The following TTC28 variants were observed in gnomAD, a reference collection of about 807,000 sequenced individuals.
TTC28 encodes the protein tetratricopeptide repeat domain 28, also known as tetratricopeptide repeat protein 28.
A neutral mutation model predicts 198.0 loss-of-function variants in TTC28; 61 were observed. That is an observed-to-expected ratio of 0.31 (90% CI 0.25 to 0.38). The LOEUF is 0.38. TTC28 is among the 10% of genes least tolerant of loss of function. TTC28 has a pLI of 1.00. For synonymous variants in TTC28, 1,171 were observed against 1,297.8 expected (o/e 0.90, Z 2.10); for missense variants, 2,678 against 3,164.0 (o/e 0.85, Z 3.69).
At chr22:28,149,244 G>A (rs1943548733) in intron 6 of TTC28, among the ~76,000 whole-genome samples, 1 of 152,222 alleles carries the variant, frequency 6.6e-6, no homozygotes, top group South Asian at 2.1e-4. Context: ...GAAAGTTGGT[G>A]CACCATGGTG....
intron 2 of TTC28, among the ~76,000 whole-genome samples, chr22:28,435,706 T>C (rs1273503965): frequency 1.3e-5 from 2 of 152,228 alleles, no homozygotes; most frequent in African/African-American, 4.8e-5. Flanking sequence ...AGGTGCCAAC[T>C]CAGATTTCTT....
chr22:28,037,635 C>G (rs1308911714), intron 12 of TTC28, among the ~76,000 whole-genome samples: 1 of 152,162 alleles, frequency 6.6e-6, no homozygotes, highest in Non-Finnish European at 1.5e-5. Flanking sequence ...TCTCACCACT[C>G]CTATTCAACA....
At chr22:28,318,775 C>A (rs1463780179) in intron 2 of TTC28, among the ~76,000 whole-genome samples, 1 of 146,458 alleles carries the variant, frequency 6.8e-6, no homozygotes, top group Non-Finnish European at 1.5e-5. Context: ...GATCATATAA[C>A]ATGGGACGGA....
intron 6 of TTC28, among the ~76,000 whole-genome samples, chr22:28,129,953 C>CT (rs1943019318): frequency 1.3e-5 from 2 of 152,164 alleles, no homozygotes; most frequent in African/African-American, 4.8e-5. Context: ...ATGGGCCACA[C>CT]TTTGAGTACC....
Position 28,399,539 on chromosome 22 carries a change from C to A in TTC28, c.382-92896G>T, listed in dbSNP as rs181307100. 2.0e-4 allele frequency among the ~76,000 whole-genome samples: 30 copies of A among 152,026 alleles called. 1 individual carries two copies. In the East Asian group the frequency reaches 5.8e-3, roughly 29 times the overall value. On this transcript the variant is annotated intron_variant, in intron 2 of 22. Coordinates refer to ENST00000397906, the MANE Select transcript of TTC28 (RefSeq NM_001145418.2). Reference sequence around the variant, plus strand: ...TGGGCTGTTCTCAAACTCCTGGGCTCAAGTAGTACTTCACCTTGGCCCCCC... The same window carrying A: ...TGGGCTGTTCTCAAACTCCTGGGCTAAAGTAGTACTTCACCTTGGCCCCCC...
intron 5 of TTC28, among the ~76,000 whole-genome samples, chr22:28,256,347 G>A (rs938722917): frequency 4.6e-5 from 7 of 151,230 alleles, no homozygotes; most frequent in Admixed American, 1.3e-4. Context: ...CTTGAACCCA[G>A]GAGGCAGAGG....
chr22:28,484,304 G>T (rs1171035417), intron 2 of TTC28, among the ~76,000 whole-genome samples: 1 of 151,892 alleles, frequency 6.6e-6, no homozygotes, highest in Non-Finnish European at 1.5e-5. Context: ...TACGGATGGG[G>T]TCTCACTATG....
chr22:28,394,341 C>T (rs1010105021), intron 2 of TTC28, among the ~76,000 whole-genome samples: 8 of 152,178 alleles, frequency 5.3e-5, no homozygotes, highest in African/African-American at 1.9e-4. Flanking sequence ...TTGAATATAA[C>T]ACTTAAAAGT....
chr22:28,475,272 G>A (rs1193757022), intron 2 of TTC28, among the ~76,000 whole-genome samples: 5 of 151,978 alleles, frequency 3.3e-5, no homozygotes, highest in Non-Finnish European at 7.4e-5. Context: ...GGCTATCCCA[G>A]CAGCTAAGGT....
chr22:28,591,040 C>CATATAT lies in TTC28; in HGVS notation c.381+38506_381+38511dup, dbSNP rs377761638. 1.3e-3 allele frequency among the ~76,000 whole-genome samples: 39 copies of CATATAT among 30,740 alleles called. 1 individual carries two copies. Among genetic ancestry groups the CATATAT allele is most frequent in the African/African-American group, 3.4e-3 (21 of 6,150 alleles). The allele number at this position is 30,740 out of a possible 152,430, so 20.2% of individuals were successfully genotyped here. On this transcript the variant is annotated intron_variant, in intron 2 of 22. Coordinates refer to ENST00000397906, the MANE Select transcript of TTC28 (RefSeq NM_001145418.2). ...ACACACACACACACACACACACACA[C>CATATAT]ATATATATATATATATATATATATA... is the stretch of plus-strand genomic sequence containing the variant.
chr22:28,125,495 T>A (rs964443578), intron 6 of TTC28, among the ~76,000 whole-genome samples: 5 of 152,130 alleles, frequency 3.3e-5, no homozygotes, highest in Non-Finnish European at 5.9e-5. Flanking sequence ...AAACACAATA[T>A]GCAACACCCC....
chr22:28,332,466 T>C (rs1382018993), intron 2 of TTC28, among the ~76,000 whole-genome samples: 1 of 152,078 alleles, frequency 6.6e-6, no homozygotes, highest in Non-Finnish European at 1.5e-5. Flanking sequence ...TTTAATGTCC[T>C]ACAGCAACCA....
intron 5 of TTC28, among the ~76,000 whole-genome samples, chr22:28,274,964 G>GT: frequency 1.6e-5 from 2 of 127,754 alleles, no homozygotes; most frequent in East Asian, 5.2e-4. Context: ...GGGCAACAGA[G>GT]TGAGACTGTC....
chr22:28,296,133 G>T (rs2044889727), intron 5 of TTC28, 65 bp downstream of exon 5: 2 of 1,469,636 alleles, frequency 1.4e-6, no homozygotes, highest in Middle Eastern at 1.8e-4. Flanking sequence ...GTTTTTAACA[G>T]AAAATAGAGC....
intron 5 of TTC28, among the ~76,000 whole-genome samples, chr22:28,290,345 A>C (rs756802879): frequency 6.6e-6 from 1 of 152,186 alleles, no homozygotes; most frequent in Non-Finnish European, 1.5e-5. Context: ...CTTATAAAAA[A>C]CTTATATAAA....
At position 28,274,772 on chromosome 22, in the gene TTC28, G is replaced by T. The variant is rs564087714; in HGVS notation, c.933+21426C>A. ...AGGCGGGCGGATCACCTGAGGTCAGGAGTTTGAAACCAGCCTGGCCAACAT... is the reference window on the plus strand; with the variant it reads ...AGGCGGGCGGATCACCTGAGGTCAGTAGTTTGAAACCAGCCTGGCCAACAT... On this transcript the variant is annotated intron_variant, in intron 5 of 22. Transcript: ENST00000397906. Among the ~76,000 whole-genome samples the T allele has an allele frequency of 1.6e-4, 25 of 152,196 alleles. No homozygotes were observed. The South Asian group carries it at 5.2e-3, about 32-fold the overall frequency.
intron 5 of TTC28, among the ~76,000 whole-genome samples, chr22:28,203,709 C>T (rs368582798): frequency 2.0e-5 from 3 of 152,050 alleles, no homozygotes; most frequent in African/African-American, 7.3e-5. Flanking sequence ...CCACTCCCAC[C>T]CACCTGCCTC....
chr22:28,282,447 C>T lies in TTC28; in HGVS notation c.933+13751G>A, dbSNP rs115462643. ...TAAGATGATAAAAAAATTTCCTGTG[C>T]TGTCGAATATGGCCACTACTAGCCA... On this transcript the variant is annotated intron_variant, in intron 5 of 22. Coordinates refer to ENST00000397906, the MANE Select transcript of TTC28 (RefSeq NM_001145418.2). 3.0e-3 allele frequency among the ~76,000 whole-genome samples: 463 copies of T among 152,282 alleles called. 4 individuals carry two copies. The highest frequency in any genetic ancestry group is 0.011 in the African/African-American group (446 of 41,554).
chr22:28,386,274 C>CAAACAAAAAAAAAAAAAA (rs2046588313), intron 2 of TTC28, among the ~76,000 whole-genome samples: 1 of 52,220 alleles, frequency 1.9e-5, no homozygotes, highest in Non-Finnish European at 3.3e-5. Flanking sequence ...GACTCCGTCT[C>CAAACAAAAAAAAAAAAAA]AAAAAAAAAA....
Sources: gnomAD v4.1 joint callset for allele counts (sites outside exome capture counted in the v4.1 genomes callset) on GRCh38, gnomAD v4.1.1 for gene constraint, MANE v1.5 for transcripts, NCBI Gene and HGNC (gene_info 2026-07-23, HGNC 2026-07-21) for gene names.